The following HDAC9 variants were observed in gnomAD, a reference collection of about 807,000 sequenced individuals.
HDAC9 encodes histone deacetylase 9.
Under a neutral mutation model 139.4 loss-of-function variants are expected in HDAC9, and 41 were observed. The observed-to-expected ratio is 0.29, with a 90% CI of 0.23 to 0.38. The LOEUF is 0.38. Among genes scored for constraint, HDAC9 ranks in the 10% least tolerant of loss-of-function variants. HDAC9 has a pLI of 1.00. For missense variants in HDAC9, 1,147 were observed against 1,297.0 expected (o/e 0.88, Z 1.78); for synonymous variants, 517 against 476.2 (o/e 1.09, Z -1.12).
chr7:18,122,616 A>C (rs989230296), intron 1 of HDAC9, among the ~76,000 whole-genome samples: 3 of 152,000 alleles, frequency 2.0e-5, no homozygotes, highest in Admixed American at 6.6e-5. Flanking sequence ...CATTATTTTT[A>C]ATTTTTGTGG....
chr7:18,827,061 TG>T (rs996987719), intron 17 of HDAC9, among the ~76,000 whole-genome samples: 1 of 151,814 alleles, frequency 6.6e-6, no homozygotes, highest in African/African-American at 2.4e-5. Flanking sequence ...AAGACAAGCC[TG>T]GGCAACATAG....
intron 2 of HDAC9, among the ~76,000 whole-genome samples, chr7:18,575,850 C>T (rs1825802431): frequency 6.6e-6 from 1 of 152,150 alleles, no homozygotes; most frequent in Non-Finnish European, 1.5e-5. Context: ...TTCATTCATT[C>T]ATTCACACCA....
intron 22 of HDAC9, among the ~76,000 whole-genome samples, chr7:18,904,898 GTTTGT>G (rs1245136482): frequency 9.1e-4 from 136 of 149,696 alleles, no homozygotes; most frequent in Non-Finnish European, 4.2e-4. Flanking sequence ...TTTTTAACTA[GTTTGT>G]TTTGTTTTGT....
At chr7:18,315,600 G>T (rs1037232072) in intron 1 of HDAC9, among the ~76,000 whole-genome samples, 9 of 152,200 alleles carry the variant, frequency 5.9e-5, no homozygotes, top group African/African-American at 9.6e-5. Context: ...TATTTCTGTA[G>T]AAAAGGATGA....
At chr7:18,809,312 G>A (rs185292269) in intron 17 of HDAC9, among the ~76,000 whole-genome samples, 23 of 151,990 alleles carry the variant, frequency 1.5e-4, no homozygotes, top group African/African-American at 5.5e-4. Flanking sequence ...AAAAGCACAG[G>A]CAACAAAAGC....
intron 17 of HDAC9, among the ~76,000 whole-genome samples, chr7:18,812,648 G>A (rs28674699): frequency 0.016 from 2,354 of 150,088 alleles, 63 homozygotes; most frequent in African/African-American, 0.054. Context: ...TTTTTTTTCC[G>A]GTTGAAGTAC....
At chr7:18,910,044 T>G (rs1334152824) in intron 22 of HDAC9, among the ~76,000 whole-genome samples, 4 of 151,832 alleles carry the variant, frequency 2.6e-5, no homozygotes, top group Non-Finnish European at 4.4e-5. Flanking sequence ...GCTGAGAGAG[T>G]GGGGTGTTGA....
chr7:18,632,887 C>A (rs1471120381), intron 7 of HDAC9, among the ~76,000 whole-genome samples: 1 of 151,748 alleles, frequency 6.6e-6, no homozygotes, highest in Non-Finnish European at 1.5e-5. Flanking sequence ...ATTAGATTTG[C>A]AGTAAAGAGA....
intron 17 of HDAC9, among the ~76,000 whole-genome samples, chr7:18,827,271 G>T (rs1795520676): frequency 6.6e-6 from 1 of 151,892 alleles, no homozygotes; most frequent in Non-Finnish European, 1.5e-5. Context: ...AATAGTCCAT[G>T]GTATTTGGTT....
chr7:18,788,767 A>AG (rs1215329950), intron 16 of HDAC9, among the ~76,000 whole-genome samples: 1 of 151,232 alleles, frequency 6.6e-6, no homozygotes, highest in Non-Finnish European at 1.5e-5. Context: ...AAAAAAAAAA[A>AG]AAAGACCCAA....
intron 1 of HDAC9, among the ~76,000 whole-genome samples, chr7:18,137,483 T>A (rs1785514609): frequency 6.6e-6 from 1 of 152,014 alleles, no homozygotes. Context: ...CATCCCATCA[T>A]TACCTAATTT....
intron 13 of HDAC9, among the ~76,000 whole-genome samples, chr7:18,732,232 C>A (rs2129132896): frequency 6.6e-6 from 1 of 152,230 alleles, no homozygotes; most frequent in African/African-American, 2.4e-5. Context: ...AAAATTGATA[C>A]AAGTTCATTG....
chr7:18,911,375 GTCT>G (rs964636307), intron 22 of HDAC9, among the ~76,000 whole-genome samples: 5 of 151,694 alleles, frequency 3.3e-5, no homozygotes, highest in Admixed American at 3.3e-4. Flanking sequence ...CAGTTGTAAT[GTCT>G]TCTTCATTTC....
At chr7:18,582,709 T>C (rs1292064154) in intron 2 of HDAC9, among the ~76,000 whole-genome samples, 1 of 152,180 alleles carries the variant, frequency 6.6e-6, no homozygotes, top group African/African-American at 2.4e-5. Flanking sequence ...TAGTAAATAA[T>C]ACGACATTGA....
At chr7:18,858,400 C>T (rs1797850792) in intron 21 of HDAC9, among the ~76,000 whole-genome samples, 1 of 152,038 alleles carries the variant, frequency 6.6e-6, no homozygotes, top group Non-Finnish European at 1.5e-5. Context: ...GAATGAGTGC[C>T]CAGCAAAGGG....
At chr7:18,741,835 C>T (rs1787489643) in intron 13 of HDAC9, among the ~76,000 whole-genome samples, 1 of 152,032 alleles carries the variant, frequency 6.6e-6, no homozygotes, top group Non-Finnish European at 1.5e-5. Flanking sequence ...AAGTTGATTC[C>T]AGTTCTCATG....
chr7:18,238,576 A>G (rs1793979643), intron 2 of HDAC9, among the ~76,000 whole-genome samples: 1 of 152,224 alleles, frequency 6.6e-6, no homozygotes, highest in Non-Finnish European at 1.5e-5. Context: ...GGATAAATAT[A>G]TCTGACATTG....
At chr7:18,382,816 C>T (rs907772595) in intron 1 of HDAC9, among the ~76,000 whole-genome samples, 1 of 151,810 alleles carries the variant, frequency 6.6e-6, no homozygotes, top group Non-Finnish European at 1.5e-5. Flanking sequence ...ATGATAGCAA[C>T]AAAAAACATA....
At chr7:18,448,277 A>G (rs1392655865) in intron 1 of HDAC9, among the ~76,000 whole-genome samples, 1 of 152,278 alleles carries the variant, frequency 6.6e-6, no homozygotes, top group African/African-American at 2.4e-5. Flanking sequence ...CATGAAGCCA[A>G]CTAAGACCAA....
Sources: gnomAD v4.1 joint callset for allele counts (sites outside exome capture counted in the v4.1 genomes callset) on GRCh38, gnomAD v4.1.1 for gene constraint, MANE v1.5 for transcripts, NCBI Gene and HGNC (gene_info 2026-07-23, HGNC 2026-07-21) for gene names.